Variants in DLG2 observed in about 807,000 individuals in gnomAD.
DLG2 encodes the protein disks large homolog 2.
Under a neutral mutation model 132.5 loss-of-function variants are expected in DLG2, and 45 were observed. The observed-to-expected ratio is 0.34, with a 90% CI of 0.27 to 0.44. DLG2 has a LOEUF of 0.44. DLG2 is among the 20% of genes least tolerant of loss of function. The pLI is 1.00. For synonymous variants in DLG2, 424 were observed against 419.6 expected, an observed-to-expected ratio of 1.01 and a Z score of -0.13; for missense variants, 1,045 against 1,196.9, an observed-to-expected ratio of 0.87 and a Z score of 1.87.
chr11:84,042,095 A>G (rs1031219396), intron 11 of DLG2, among the ~76,000 whole-genome samples: 1 of 151,996 alleles, frequency 6.6e-6, no homozygotes, highest in African/African-American at 2.4e-5. Flanking sequence ...TATCAGCAGC[A>G]TGAAAACAGA....
intron 7 of DLG2, among the ~76,000 whole-genome samples, chr11:84,354,085 A>G (rs1358849396): frequency 2.0e-5 from 3 of 152,190 alleles, no homozygotes; most frequent in Non-Finnish European, 2.9e-5. Flanking sequence ...AGTTCTCAAA[A>G]AATCTGAATT....
chr11:84,503,124 T>C (rs2099226707), intron 7 of DLG2, among the ~76,000 whole-genome samples: 1 of 152,152 alleles, frequency 6.6e-6, no homozygotes, highest in South Asian at 2.1e-4. Flanking sequence ...AGAACAGAGG[T>C]GTAATCTGTT....
chr11:83,898,936 CCCTA>C (rs1157007808), intron 15 of DLG2, among the ~76,000 whole-genome samples: 1 of 152,098 alleles, frequency 6.6e-6, no homozygotes, highest in African/African-American at 2.4e-5. Context: ...ATTTTAACAA[CCCTA>C]CCAAGTATCA....
At chr11:83,640,140 C>T (rs1012532708) in intron 18 of DLG2, among the ~76,000 whole-genome samples, 3 of 152,178 alleles carry the variant, frequency 2.0e-5, no homozygotes, top group African/African-American at 7.2e-5. Flanking sequence ...CAGGACTCTG[C>T]ACATCCAAGC....
intron 2 of DLG2, among the ~76,000 whole-genome samples, chr11:85,606,592 G>C (rs534728835): frequency 6.6e-6 from 1 of 152,212 alleles, no homozygotes; most frequent in South Asian, 2.1e-4. Flanking sequence ...ATAAAAGCAG[G>C]CCACCTGAGC....
chr11:84,939,007 G>C (rs2049070057), intron 6 of DLG2, among the ~76,000 whole-genome samples: 1 of 152,056 alleles, frequency 6.6e-6, no homozygotes, highest in African/African-American at 2.4e-5. Flanking sequence ...TCCTTTAAGT[G>C]TTCAAAAGGA....
At chr11:84,676,149 AT>A (rs893556804) in intron 6 of DLG2, among the ~76,000 whole-genome samples, 2 of 152,076 alleles carry the variant, frequency 1.3e-5, no homozygotes, top group Non-Finnish European at 2.9e-5. Flanking sequence ...TATGAGAGCT[AT>A]TTATTAAGCA....
At chr11:84,955,241 TATTCTGTACCAGTC>T (rs1435739802) in intron 6 of DLG2, 3 of 152,234 alleles carry the variant, frequency 2.0e-5, no homozygotes, top group Non-Finnish European at 2.9e-5. Flanking sequence ...TCTAAGTTTT[TATTCTGTACCAGTC>T]ATTCTTTTAA....
intron 11 of DLG2, among the ~76,000 whole-genome samples, chr11:84,049,739 T>G (rs1040976529): frequency 6.6e-6 from 1 of 151,788 alleles, no homozygotes; most frequent in African/African-American, 2.4e-5. Context: ...ATCCTTTTCA[T>G]GCCCTATGGG....
At chr11:84,699,507 C>T (rs999433590) in intron 6 of DLG2, among the ~76,000 whole-genome samples, 1 of 151,416 alleles carries the variant, frequency 6.6e-6, no homozygotes, top group Non-Finnish European at 1.5e-5. Context: ...GTGACTAATC[C>T]TAGACTAACT....
intron 6 of DLG2, among the ~76,000 whole-genome samples, chr11:84,896,537 C>T (rs4453254): frequency 0.097 from 14,680 of 151,938 alleles, 923 homozygotes; most frequent in African/African-American, 0.18. Context: ...TCAATAATAA[C>T]AGAACCTGCC....
intron 2 of DLG2, among the ~76,000 whole-genome samples, chr11:85,616,969 T>C (rs1396931989): frequency 6.6e-6 from 1 of 152,146 alleles, no homozygotes; most frequent in East Asian, 1.9e-4. Context: ...TTTATATAGA[T>C]GATCAACAAC....
chr11:84,739,136 T>A (rs1256355370), intron 6 of DLG2, among the ~76,000 whole-genome samples: 2 of 152,120 alleles, frequency 1.3e-5, no homozygotes, highest in African/African-American at 4.8e-5. Context: ...GATGTACATG[T>A]CTATCAAAAC....
At chr11:83,654,024 ATTTTT>A (rs946511545) in intron 18 of DLG2, among the ~76,000 whole-genome samples, 1 of 149,296 alleles carries the variant, frequency 6.7e-6, no homozygotes, top group Admixed American at 6.7e-5. Flanking sequence ...CTGGCCAAGA[ATTTTT>A]TTTTTTAACT....
intron 18 of DLG2, among the ~76,000 whole-genome samples, chr11:83,671,812 A>T (rs918315342): frequency 6.6e-6 from 1 of 152,192 alleles, no homozygotes; most frequent in African/African-American, 2.4e-5. Context: ...TCACATCTCA[A>T]ATATTACCAA....
At chr11:84,651,258 A>C (rs531967723) in intron 6 of DLG2, among the ~76,000 whole-genome samples, 1 of 152,102 alleles carries the variant, frequency 6.6e-6, no homozygotes, top group East Asian at 1.9e-4. Flanking sequence ...TTCATCTATA[A>C]GTTCTTCCCA....
rs1017030547 is a variant in DLG2, at chr11:84,921,253, G to C, written c.357+190408C>G. On this transcript the variant is annotated intron_variant, in intron 6 of 27. Coordinates refer to ENST00000376104, the MANE Select transcript of DLG2 (RefSeq NM_001142699.3). ...CCCTAAAAAATTATGAATTATCTAA[G>C]GAAGTGCAAGAGCTAATTACTGAAA... is the stretch of plus-strand genomic sequence containing the variant. Among the ~76,000 whole-genome samples, 4 of 152,194 alleles carry C rather than the reference G, an allele frequency of 2.6e-5. No homozygotes were observed. The East Asian group carries it at 7.7e-4, about 29-fold the overall frequency.
chr11:85,586,460 T>C (rs776304498), intron 3 of DLG2, among the ~76,000 whole-genome samples: 2 of 152,196 alleles, frequency 1.3e-5, no homozygotes, highest in Non-Finnish European at 2.9e-5. Context: ...TTGGAATTTA[T>C]CCATCTCCTC....
intron 6 of DLG2, among the ~76,000 whole-genome samples, chr11:84,696,167 A>T (rs1370817420): frequency 6.6e-6 from 1 of 151,556 alleles, no homozygotes; most frequent in Non-Finnish European, 1.5e-5. Context: ...GGAAATACGC[A>T]AGAAAACATA....
Sources: gnomAD v4.1 joint callset for allele counts (sites outside exome capture counted in the v4.1 genomes callset) on GRCh38, gnomAD v4.1.1 for gene constraint, MANE v1.5 for transcripts, NCBI Gene and HGNC (gene_info 2026-07-23, HGNC 2026-07-21) for gene names.